PRR16: variants seen among roughly 807,000 people sequenced by gnomAD.
PRR16 encodes protein Largen.
In PRR16, 6 loss-of-function variants were observed where a neutral mutation model predicts 18.2. The observed-to-expected ratio is 0.33, with a 90% CI of 0.18 to 0.65. The LOEUF (loss-of-function observed/expected upper bound fraction) is 0.65, where lower values mean the gene tolerates loss of function less well. Among genes scored for constraint, PRR16 ranks in the 30% least tolerant of loss-of-function variants. The pLI is 0.74. For missense variants in PRR16, 412 were observed against 376.6 expected (o/e 1.09, Z -0.78); for synonymous variants, 151 against 147.8 (o/e 1.02, Z -0.16).
At chr5:120,551,337 A>G (rs1752247392) in intron 1 of PRR16, among the ~76,000 whole-genome samples, 3 of 152,028 alleles carry the variant, frequency 2.0e-5, no homozygotes, top group Admixed American at 6.6e-5. Context: ...TTCTTTTAAA[A>G]GACAAATGAA....
chr5:120,560,110 A>G (rs1190844502), intron 1 of PRR16, among the ~76,000 whole-genome samples: 3 of 151,938 alleles, frequency 2.0e-5, no homozygotes, highest in South Asian at 2.1e-4. Flanking sequence ...TTTCATTCCA[A>G]TTTGGATGCC....
chr5:120,708,387 G>C, the PRR16 span, among the ~76,000 whole-genome samples: 2 of 152,176 alleles, frequency 1.3e-5, no homozygotes, highest in Non-Finnish European at 2.9e-5. Context: ...CTTTTCAATA[G>C]AGTGGTGATT....
intron 1 of PRR16, among the ~76,000 whole-genome samples, chr5:120,625,959 A>T (rs1754849118): frequency 6.6e-6 from 1 of 152,124 alleles, no homozygotes; most frequent in South Asian, 2.1e-4. Context: ...AACTAGTACA[A>T]TATTGAACTG....
At chr5:120,608,510 A>G (rs979687923) in intron 1 of PRR16, among the ~76,000 whole-genome samples, 2 of 152,214 alleles carry the variant, frequency 1.3e-5, no homozygotes, top group African/African-American at 4.8e-5. Flanking sequence ...ACATGTTCAC[A>G]AGATGATTAC....
At chr5:120,635,305 CA>C (rs1755190903) in intron 1 of PRR16, among the ~76,000 whole-genome samples, 1 of 151,874 alleles carries the variant, frequency 6.6e-6, no homozygotes, top group Non-Finnish European at 1.5e-5. Context: ...CAGGAAAGAA[CA>C]TAACGAAAAA....
At chr5:120,732,650 A>C in the PRR16 span, among the ~76,000 whole-genome samples, 1 of 152,286 alleles carries the variant, frequency 6.6e-6, no homozygotes, top group African/African-American at 2.4e-5. Flanking sequence ...GCTAAGAATG[A>C]ATGCATATAT....
At chr5:120,748,140 G>T in the PRR16 span, among the ~76,000 whole-genome samples, 1 of 151,962 alleles carries the variant, frequency 6.6e-6, no homozygotes, top group Non-Finnish European at 1.5e-5. Flanking sequence ...TTTTAATAAT[G>T]ATTATTAATA....
chr5:120,648,336 G>A (rs936138772), intron 1 of PRR16, among the ~76,000 whole-genome samples: 2 of 151,936 alleles, frequency 1.3e-5, no homozygotes, highest in African/African-American at 2.4e-5. Flanking sequence ...GTAATGTAGG[G>A]TATTAGCTTT....
At chr5:120,660,727 A>C (rs74868391) in intron 1 of PRR16, among the ~76,000 whole-genome samples, 1 of 151,976 alleles carries the variant, frequency 6.6e-6, no homozygotes, top group Admixed American at 6.6e-5. Flanking sequence ...CTTTTACTAT[A>C]TAGGCACTCA....
chr5:120,768,163 G>C, the PRR16 span, among the ~76,000 whole-genome samples: 1 of 151,768 alleles, frequency 6.6e-6, no homozygotes, highest in South Asian at 2.1e-4. Context: ...ACAATATGTA[G>C]TTTCCACTCA....
chr5:120,545,185 C>T (rs865916425), intron 1 of PRR16, among the ~76,000 whole-genome samples: 40 of 152,096 alleles, frequency 2.6e-4, no homozygotes, highest in Middle Eastern at 3.4e-3. Flanking sequence ...TTTTTTCGTG[C>T]TTATTCACAT....
chr5:120,491,071 G>T (rs1488020666), intron 1 of PRR16, among the ~76,000 whole-genome samples: 2 of 152,164 alleles, frequency 1.3e-5, no homozygotes, highest in African/African-American at 2.4e-5. Context: ...CTACTGGGGG[G>T]TGCCTCCCAG....
At chr5:120,517,980 G>A (rs149409101) in intron 1 of PRR16, among the ~76,000 whole-genome samples, 10 of 152,238 alleles carry the variant, frequency 6.6e-5, no homozygotes, top group Non-Finnish European at 1.3e-4. Flanking sequence ...TCTTGGCTGG[G>A]GAAAAAGTTT....
chr5:120,647,989 G>C lies in PRR16; in HGVS notation c.160-37965G>C, dbSNP rs75105024. Among the ~76,000 whole-genome samples, 322 of 152,086 alleles carry C rather than the reference G, an allele frequency of 2.1e-3. 2 individuals are homozygous for C. Among genetic ancestry groups the C allele is most frequent in the Middle Eastern group, 6.8e-3 (2 of 294 alleles). On this transcript the variant is annotated intron_variant, in intron 1 of 1. Transcript: ENST00000407149. ...ACTATTAGATATAGCATTTTGGAAA[G>C]GAATGGGTTAGCAATTAACTAAAAT...
chr5:120,608,794 G>A (rs1754239755), intron 1 of PRR16, among the ~76,000 whole-genome samples: 3 of 152,014 alleles, frequency 2.0e-5, no homozygotes, highest in South Asian at 4.1e-4. Context: ...CATGATCCAG[G>A]TTCTATTTGT....
At chr5:120,786,764 T>G in the PRR16 span, among the ~76,000 whole-genome samples, 1 of 152,038 alleles carries the variant, frequency 6.6e-6, no homozygotes, top group Non-Finnish European at 1.5e-5. Context: ...CATTTTTAAA[T>G]CATACTGCCC....
chr5:120,664,041 G>A (rs1252978307), intron 1 of PRR16, among the ~76,000 whole-genome samples: 3 of 152,158 alleles, frequency 2.0e-5, no homozygotes, highest in Non-Finnish European at 4.4e-5. Context: ...GCTCATGCCT[G>A]TAATCTCAGT....
At chr5:120,766,016 A>C in the PRR16 span, among the ~76,000 whole-genome samples, 8 of 152,036 alleles carry the variant, frequency 5.3e-5, no homozygotes, top group African/African-American at 1.9e-4. Flanking sequence ...TTATAGGTAT[A>C]GTTAATAAGT....
intron 1 of PRR16, among the ~76,000 whole-genome samples, chr5:120,645,383 TC>T (rs375699744): frequency 7.3e-4 from 48 of 66,048 alleles, no homozygotes; most frequent in African/African-American, 1.7e-3. Flanking sequence ...TACCCACCCA[TC>T]CCCCCCCCAC....
Sources: allele counts gnomAD v4.1 joint callset (sites outside exome capture counted in the v4.1 genomes callset), GRCh38; gene constraint gnomAD v4.1.1; transcripts MANE v1.5; gene names NCBI Gene and HGNC (gene_info 2026-07-23, HGNC 2026-07-21).